The following AGBL1 variants were observed in gnomAD, a reference collection of about 807,000 sequenced individuals.
AGBL1 encodes the protein AGBL carboxypeptidase 1.
Under a neutral mutation model 118.9 loss-of-function variants are expected in AGBL1, and 130 were observed. The observed-to-expected ratio is 1.09, with a 90% CI of 0.95 to 1.26. The LOEUF (loss-of-function observed/expected upper bound fraction) is 1.26. AGBL1 is among the 50% of genes most tolerant of loss of function. The pLI, the probability that AGBL1 is intolerant of heterozygous loss-of-function variation, is 0.00. For synonymous variants in AGBL1, 555 were observed against 478.9 expected (o/e 1.16, Z -2.08); for missense variants, 1,584 against 1,298.1 (o/e 1.22, Z -3.38).
intron 21 of AGBL1, among the ~76,000 whole-genome samples, chr15:86,626,267 T>G (rs1394596824): frequency 6.6e-6 from 1 of 152,086 alleles, no homozygotes; most frequent in South Asian, 2.1e-4. Context: ...TAAATGCCCA[T>G]CAACGATAAA....
rs568009738 is a variant in AGBL1, at chr15:86,960,622, T to TC, written c.3222-27358dup. Among the ~76,000 whole-genome samples the TC allele has an allele frequency of 3.0e-4, 45 of 151,352 alleles. No homozygotes were observed. In the East Asian group the frequency reaches 6.5e-3, roughly 22 times the overall value. On this transcript the variant is annotated intron_variant, in intron 23 of 24. Transcript: ENST00000441037. ...CAGAAATCCTAATACTGGCTATATA[T>TC]CCCCCCCAAAAAGAAAGAAAATGAC...
chr15:86,949,540 T>G (rs2080857492), intron 23 of AGBL1, among the ~76,000 whole-genome samples: 1 of 152,058 alleles, frequency 6.6e-6, no homozygotes, highest in Non-Finnish European at 1.5e-5. Flanking sequence ...AAAGTTGACT[T>G]AAATATATTA....
intron 22 of AGBL1, among the ~76,000 whole-genome samples, chr15:86,876,316 G>C (rs1413038059): frequency 1.3e-5 from 2 of 152,088 alleles, no homozygotes; most frequent in African/African-American, 4.8e-5. Flanking sequence ...ACTCCAGACA[G>C]ATGAATAGAG....
intron 22 of AGBL1, among the ~76,000 whole-genome samples, chr15:86,875,408 T>A (rs2079793224): frequency 6.6e-6 from 1 of 152,186 alleles, no homozygotes; most frequent in Non-Finnish European, 1.5e-5. Flanking sequence ...GTAATTGGAT[T>A]TTTTTTAAAA....
intron 24 of AGBL1, among the ~76,000 whole-genome samples, chr15:87,021,442 A>T (rs2081663362): frequency 6.6e-6 from 1 of 152,326 alleles, no homozygotes; most frequent in Middle Eastern, 3.4e-3. Flanking sequence ...ATGGGCAAAG[A>T]TTTCATGACA....
chr15:86,084,820 C>T (rs1895525161), intron 1 of AGBL1, among the ~76,000 whole-genome samples: 2 of 152,180 alleles, frequency 1.3e-5, no homozygotes, highest in South Asian at 2.1e-4. Flanking sequence ...ATTCACTCAT[C>T]CACCCATTCA....
chr15:86,671,687 T>A (rs1228543341), intron 21 of AGBL1, among the ~76,000 whole-genome samples: 4 of 152,238 alleles, frequency 2.6e-5, no homozygotes, highest in Non-Finnish European at 5.9e-5. Context: ...CTCACAACAT[T>A]TGACAATGGG....
intron 22 of AGBL1, among the ~76,000 whole-genome samples, chr15:86,895,543 T>C (rs4375631): frequency 0.049 from 7,394 of 152,200 alleles, 194 homozygotes; most frequent in Middle Eastern, 0.071. Flanking sequence ...AATAAAGGGA[T>C]TTTTTGAGTA....
chr15:86,920,478 T>C (rs940249515), downstream of AGBL1, among the ~76,000 whole-genome samples: 2 of 152,172 alleles, frequency 1.3e-5, no homozygotes, highest in African/African-American at 4.8e-5. Flanking sequence ...GAGTGAAATC[T>C]CATCATAGTC....
chr15:86,925,341 A>G (rs761914947), intron 23 of AGBL1, among the ~76,000 whole-genome samples: 2 of 152,264 alleles, frequency 1.3e-5, no homozygotes, highest in Non-Finnish European at 2.9e-5. Flanking sequence ...TTCATAAATC[A>G]TGCTGATACT....
At chr15:86,183,859 G>T (rs1022221438) in intron 5 of AGBL1, among the ~76,000 whole-genome samples, 27 of 152,132 alleles carry the variant, frequency 1.8e-4, no homozygotes, top group Admixed American at 2.0e-4. Context: ...AATATAAAAG[G>T]GTAAGAGGGA....
intron 18 of AGBL1, among the ~76,000 whole-genome samples, chr15:86,427,145 A>C (rs1176683540): frequency 6.6e-6 from 1 of 152,224 alleles, no homozygotes; most frequent in Non-Finnish European, 1.5e-5. Flanking sequence ...TCACCAAATG[A>C]CTTTGTTTTT....
At chr15:86,634,203 C>A (rs1020579180) in intron 21 of AGBL1, among the ~76,000 whole-genome samples, 1 of 152,102 alleles carries the variant, frequency 6.6e-6, no homozygotes, top group African/African-American at 2.4e-5. Flanking sequence ...CCAACTCTTC[C>A]ATGGCTGGGT....
At chr15:86,200,424 C>G (rs1174150640) in intron 5 of AGBL1, among the ~76,000 whole-genome samples, 1 of 152,072 alleles carries the variant, frequency 6.6e-6, no homozygotes, top group Non-Finnish European at 1.5e-5. Context: ...ACAACAGTGA[C>G]TTACAAATTA....
chr15:86,791,025 TCAA>T (rs2078486136), intron 22 of AGBL1, among the ~76,000 whole-genome samples: 1 of 152,166 alleles, frequency 6.6e-6, no homozygotes, highest in Non-Finnish European at 1.5e-5. Context: ...TGTCAGATGA[TCAA>T]CAAGTAAGAG....
At chr15:86,486,064 A>G (rs970712996) in intron 18 of AGBL1, among the ~76,000 whole-genome samples, 18 of 152,174 alleles carry the variant, frequency 1.2e-4, no homozygotes, top group African/African-American at 4.1e-4. Context: ...TAGTCACGAT[A>G]CTTAACCTCT....
At chr15:86,863,687 T>C (rs16978046) in intron 22 of AGBL1, among the ~76,000 whole-genome samples, 4,822 of 152,252 alleles carry the variant, frequency 0.032, 248 homozygotes, top group African/African-American at 0.11. Flanking sequence ...TAGCAAGCAT[T>C]TCATATTGTA....
chr15:86,621,079 A>G (rs8023423), intron 21 of AGBL1, among the ~76,000 whole-genome samples: 63,538 of 152,044 alleles, frequency 0.42, 13,984 homozygotes, highest in East Asian at 0.61. Context: ...CTTTTGTGTG[A>G]GGTCTTCTTT....
At chr15:86,396,111 G>A (rs897237762) in intron 17 of AGBL1, among the ~76,000 whole-genome samples, 1 of 147,118 alleles carries the variant, frequency 6.8e-6, no homozygotes, top group African/African-American at 2.5e-5. Context: ...ATCTATGTGT[G>A]TGTGTATATA....
Sources: gnomAD v4.1 joint callset for allele counts (sites outside exome capture counted in the v4.1 genomes callset) on GRCh38, gnomAD v4.1.1 for gene constraint, MANE v1.5 for transcripts, NCBI Gene and HGNC (gene_info 2026-07-23, HGNC 2026-07-21) for gene names.